Variants in HRH1 observed in about 807,000 individuals in gnomAD.
HRH1 encodes the protein histamine receptor H1, also known as histamine H1 receptor.
HRH1 carries 6 observed loss-of-function variants against 10.3 expected under a neutral mutation model. That is an observed-to-expected ratio of 0.58 (90% CI 0.32 to 1.15). HRH1 has a LOEUF of 1.15. HRH1 is among the 50% of genes most tolerant of loss of function. HRH1 has a pLI of 0.05. For synonymous variants in HRH1, 242 were observed against 236.7 expected (o/e 1.02, Z -0.21); for missense variants, 514 against 615.3 (o/e 0.84, Z 1.74).
chr3:11,160,817 T>C (rs1161982540), intron 1 of HRH1, among the ~76,000 whole-genome samples: 1 of 152,228 alleles, frequency 6.6e-6, no homozygotes, highest in African/African-American at 2.4e-5. Flanking sequence ...CTGCCAATTC[T>C]AATAACTGAC....
intron 1 of HRH1, among the ~76,000 whole-genome samples, chr3:11,139,698 A>C (rs552805878): frequency 6.6e-6 from 1 of 152,364 alleles, no homozygotes; most frequent in East Asian, 1.9e-4. Context: ...TGAAGTACAG[A>C]CACATACCAC....
rs546331521 is a variant in HRH1 at position 11,171,862 on chromosome 3, C to G, written c.-36+17308C>G. Among the ~76,000 whole-genome samples, 3 of 152,312 alleles carry G rather than the reference C, an allele frequency of 2.0e-5. No homozygotes were observed. The East Asian group carries it at 5.8e-4, about 29-fold the overall frequency. Reference sequence around the variant, plus strand: ...TCTGAAGCAGGATGAAGTAGGATATCTAAACTCAACTTGCTTGCTTACTCA... The same window carrying G: ...TCTGAAGCAGGATGAAGTAGGATATGTAAACTCAACTTGCTTGCTTACTCA... On this transcript the variant is annotated intron_variant, in intron 1 of 1. Coordinates refer to ENST00000431010, the MANE Select transcript of HRH1 (RefSeq NM_001098212.2).
At chr3:11,181,462 C>T (rs1278953876) in intron 1 of HRH1, among the ~76,000 whole-genome samples, 1 of 152,024 alleles carries the variant, frequency 6.6e-6, no homozygotes, top group Non-Finnish European at 1.5e-5. Flanking sequence ...TCTTTGCCAA[C>T]ATTTGTTATT....
chr3:11,174,390 C>T (rs2125014009), intron 1 of HRH1, among the ~76,000 whole-genome samples: 1 of 152,254 alleles, frequency 6.6e-6, no homozygotes, highest in African/African-American at 2.4e-5. Flanking sequence ...AGCGCTGACT[C>T]CCAGAGCCTT....
chr3:11,259,612 T>G lies in HRH1; in HGVS notation c.575T>G (p.Val192Gly). The change falls in exon 2 of 2, where the codon GTC (valine) becomes GGC (glycine). Residue 192 changes from valine to glycine, a missense_variant. Physicochemically the swap from Val to Gly is moderately radical, Grantham distance 109. Coordinates refer to ENST00000431010, the MANE Select transcript of HRH1 (RefSeq NM_001098212.2). The surrounding 1 kb of genome is among the most constrained non-coding windows in gnomAD (Gnocchi z 4.6). ...TTCTATGATGTCACCTGGTTCAAGG[T>G]CATGACTGCCATCATCAACTTCTAC... is the stretch of plus-strand genomic sequence containing the variant. ...TDFYDVTWFK[V>G]MTAIINFYLP... 2 of 1,614,030 alleles carry G rather than the reference T, an allele frequency of 1.2e-6. No individual in the cohort carries two copies. Among genetic ancestry groups the G allele is most frequent in the Non-Finnish European group, 1.7e-6 (2 of 1,179,998 alleles).
At chr3:11,229,966 A>G (rs112530646) in intron 1 of HRH1, among the ~76,000 whole-genome samples, 1 of 152,168 alleles carries the variant, frequency 6.6e-6, no homozygotes, top group East Asian at 1.9e-4. Flanking sequence ...TGCAGTTGAC[A>G]TGGGTGGGGA....
intron 1 of HRH1, among the ~76,000 whole-genome samples, chr3:11,178,607 C>A (rs1394631662): frequency 6.6e-6 from 1 of 152,160 alleles, no homozygotes; most frequent in African/African-American, 2.4e-5. Context: ...ACCTTCCACC[C>A]CACCCCCTGC....
chr3:11,201,881 G>T (rs767226742), intron 1 of HRH1, among the ~76,000 whole-genome samples: 1 of 152,162 alleles, frequency 6.6e-6, no homozygotes, highest in Non-Finnish European at 1.5e-5. Flanking sequence ...GAAATCATTT[G>T]TCTGCCGCCC....
At chr3:11,156,504 T>C (rs1936802921) in intron 1 of HRH1, among the ~76,000 whole-genome samples, 1 of 152,162 alleles carries the variant, frequency 6.6e-6, no homozygotes, top group African/African-American at 2.4e-5. Flanking sequence ...GCCTGGCTTT[T>C]CCTTAGCAGA....
intron 1 of HRH1, among the ~76,000 whole-genome samples, chr3:11,201,422 C>T (rs921531691): frequency 1.3e-5 from 2 of 152,088 alleles, no homozygotes; most frequent in Non-Finnish European, 2.9e-5. Flanking sequence ...ATGGTGCAAC[C>T]AGAGCAAAGC....
chr3:11,162,795 G>A (rs1444088742), intron 1 of HRH1, among the ~76,000 whole-genome samples: 1 of 152,164 alleles, frequency 6.6e-6, no homozygotes, highest in Non-Finnish European at 1.5e-5. Flanking sequence ...TGAATGAGCT[G>A]TTACTAGGAG....
chr3:11,193,760 T>A (rs1255597954), intron 1 of HRH1, among the ~76,000 whole-genome samples: 1 of 152,244 alleles, frequency 6.6e-6, no homozygotes, highest in African/African-American at 2.4e-5. Flanking sequence ...TCTCACTGTG[T>A]CTTCGCATGG....
At chr3:11,144,099 G>C (rs899002624) in intron 1 of HRH1, among the ~76,000 whole-genome samples, 4 of 152,114 alleles carry the variant, frequency 2.6e-5, no homozygotes, top group African/African-American at 9.7e-5. Flanking sequence ...CACAGTGTTG[G>C]TGGGAATGTA....
intron 1 of HRH1, among the ~76,000 whole-genome samples, chr3:11,180,665 T>C (rs925381656): frequency 3.9e-5 from 6 of 152,142 alleles, no homozygotes; most frequent in Non-Finnish European, 8.8e-5. Flanking sequence ...CTCAATGGAT[T>C]TGCCTGTTGT....
chr3:11,256,051 T>C lies in HRH1; in HGVS notation c.-35-2952T>C, dbSNP rs117194939. Reference sequence around the variant, plus strand: ...AATGGAGAAAAATACAGGCTGGAGCTGTGGGTTTGAGTGTTGTCCTCATAG... The same window carrying C: ...AATGGAGAAAAATACAGGCTGGAGCCGTGGGTTTGAGTGTTGTCCTCATAG... On this transcript the variant is annotated intron_variant, in intron 1 of 1. Transcript: ENST00000431010. Among the ~76,000 whole-genome samples the C allele has an allele frequency of 3.5e-4, 53 of 152,240 alleles. 2 individuals are homozygous for C. In the East Asian group the frequency reaches 9.7e-3, roughly 28 times the overall value.
intron 1 of HRH1, among the ~76,000 whole-genome samples, chr3:11,148,810 C>CTTTT (rs755029776): frequency 8.2e-4 from 69 of 84,412 alleles, no homozygotes; most frequent in Non-Finnish European, 1.2e-3. Context: ...AAACCACAGT[C>CTTTT]TTTTTTTTTT....
intron 1 of HRH1, among the ~76,000 whole-genome samples, chr3:11,165,322 C>T (rs1020118188): frequency 6.6e-6 from 1 of 152,170 alleles, no homozygotes; most frequent in East Asian, 1.9e-4. Flanking sequence ...ATTCCCTCCA[C>T]CTATAAATAT....
chr3:11,148,742 G>C (rs937677050), intron 1 of HRH1, among the ~76,000 whole-genome samples: 6 of 151,830 alleles, frequency 4.0e-5, no homozygotes, highest in Non-Finnish European at 7.4e-5. Context: ...CTTGCTACAA[G>C]GGAGGCTGGG....
chr3:11,258,097 C>G (rs927093316), intron 1 of HRH1, among the ~76,000 whole-genome samples: 1 of 152,172 alleles, frequency 6.6e-6, no homozygotes, highest in Non-Finnish European at 1.5e-5. Flanking sequence ...TAATCCCCTT[C>G]TCACTTGAGA....
Sources: gnomAD v4.1 joint callset for allele counts (sites outside exome capture counted in the v4.1 genomes callset) on GRCh38, gnomAD v4.1.1 for gene constraint, Gnocchi (gnomAD v3.1) non-coding constraint, MANE v1.5 for transcripts, NCBI Gene and HGNC (gene_info 2026-07-23, HGNC 2026-07-21) for gene names.